The following MAPRE2 variants were observed in gnomAD, a reference collection of about 807,000 sequenced individuals.
The protein encoded by MAPRE2 is microtubule-associated protein RP/EB family member 2.
MAPRE2 carries 13 observed loss-of-function variants against 43.2 expected under a neutral mutation model. The observed-to-expected ratio is 0.30, with a 90% CI of 0.20 to 0.48. The LOEUF is 0.48. Ranked by LOEUF, MAPRE2 falls within the 20% of genes least tolerant of loss-of-function variation. The pLI is 0.99. For synonymous variants in MAPRE2, 135 were observed against 148.8 expected, an observed-to-expected ratio of 0.91 and a Z score of 0.68; for missense variants, 161 against 400.2, an observed-to-expected ratio of 0.40 and a Z score of 5.10.
intron 1 of MAPRE2, among the ~76,000 whole-genome samples, chr18:35,001,360 C>G (rs2097029237): frequency 6.6e-6 from 1 of 151,986 alleles, no homozygotes; most frequent in African/African-American, 2.4e-5. Context: ...TAAAAAAATA[C>G]AAAAATTAGT....
chr18:35,037,037 T>C (rs1198299335), upstream of MAPRE2, among the ~76,000 whole-genome samples: 3 of 152,236 alleles, frequency 2.0e-5, no homozygotes, highest in African/African-American at 7.2e-5. Flanking sequence ...GGTGCTCACC[T>C]TCGATGGTCC....
At chr18:35,108,059 A>T (rs1908992481) in intron 4 of MAPRE2, among the ~76,000 whole-genome samples, 1 of 151,716 alleles carries the variant, frequency 6.6e-6, no homozygotes, top group Non-Finnish European at 1.5e-5. Context: ...TTTGTTACAT[A>T]GGTATATGTG....
chr18:35,075,455 A>G (rs1324368748), intron 2 of MAPRE2, among the ~76,000 whole-genome samples: 1 of 152,122 alleles, frequency 6.6e-6, no homozygotes, highest in Admixed American at 6.5e-5. Context: ...GGCTTCTCTT[A>G]TTGGCTCTCT....
At chr18:35,077,248 CGCACACACACACACACACACACAT>C (rs1262052138) in intron 2 of MAPRE2, among the ~76,000 whole-genome samples, 1 of 86,986 alleles carries the variant, frequency 1.1e-5, no homozygotes, top group Non-Finnish European at 1.9e-5. Context: ...CGTGCGCGCG[CGCACACACACACACACACACACAT>C]ACACACACAC....
At chr18:35,113,140 G>A (rs1044610037) in intron 4 of MAPRE2, among the ~76,000 whole-genome samples, 7 of 152,160 alleles carry the variant, frequency 4.6e-5, no homozygotes, top group African/African-American at 1.7e-4. Flanking sequence ...TCAGACTATA[G>A]CACCTACCTC....
chr18:35,129,480 C>T (rs778450217), intron 5 of MAPRE2, among the ~76,000 whole-genome samples: 1 of 152,174 alleles, frequency 6.6e-6, no homozygotes, highest in Non-Finnish European at 1.5e-5. Flanking sequence ...CAGGCAATTT[C>T]CCATGATGCA....
At chr18:35,077,264 C>T (rs907899783) in intron 2 of MAPRE2, among the ~76,000 whole-genome samples, 36 of 107,560 alleles carry the variant, frequency 3.3e-4, no homozygotes, top group African/African-American at 1.9e-3. Flanking sequence ...CACACACACA[C>T]ACACACATAC....
intron 2 of MAPRE2, among the ~76,000 whole-genome samples, chr18:35,088,497 A>G (rs1907983261): frequency 6.6e-6 from 1 of 152,242 alleles, no homozygotes; most frequent in Admixed American, 6.5e-5. Flanking sequence ...ATAGAAAACC[A>G]CTGTGATATT....
intron 2 of MAPRE2, among the ~76,000 whole-genome samples, chr18:35,085,627 T>C (rs1367032255): frequency 2.6e-5 from 4 of 152,184 alleles, no homozygotes; most frequent in African/African-American, 9.7e-5. Flanking sequence ...CAGTGATGGC[T>C]AGAAGCAAGA....
intron 1 of MAPRE2, among the ~76,000 whole-genome samples, chr18:34,988,148 C>A (rs1186154468): frequency 6.6e-6 from 1 of 152,040 alleles, no homozygotes; most frequent in East Asian, 1.9e-4. Context: ...ATACTTGTAT[C>A]CCCAGATTCC....
In MAPRE2 at chr18:35,070,452, G is replaced by A. The variant is rs959591511; in HGVS notation, c.250+130G>A. 69 of 749,536 alleles carry A rather than the reference G, an allele frequency of 9.2e-5. No homozygotes were observed. The African/African-American group carries it at 1.1e-3, about 12-fold the overall frequency. 46.4% of individuals were successfully genotyped at this position (749,536 alleles called of 1,614,324 possible). ...TATTGCTATTGGCATGTAATTAAAG[G>A]GGGAAAAACTCAGATATAACTAAAG... is the stretch of plus-strand genomic sequence containing the variant. On this transcript the variant is annotated intron_variant, in intron 2 of 6. Transcript: ENST00000300249.
At chr18:35,113,821 G>A (rs1909288121) in intron 4 of MAPRE2, among the ~76,000 whole-genome samples, 1 of 152,102 alleles carries the variant, frequency 6.6e-6, no homozygotes, top group South Asian at 2.1e-4. Context: ...TGAGCCTGGG[G>A]TTCAAGGCTG....
At chr18:35,021,379 A>G (rs1234780969) in intron 2 of MAPRE2, among the ~76,000 whole-genome samples, 1 of 152,216 alleles carries the variant, frequency 6.6e-6, no homozygotes, top group East Asian at 1.9e-4. Context: ...AGAAACATGA[A>G]TGGGGACCAG....
chr18:35,141,458 A>G lies in MAPRE2; in HGVS notation c.*1089A>G, dbSNP rs1477532483. The G allele has an allele frequency of 3.3e-5, 5 of 152,246 alleles. No homozygotes were observed. The highest frequency in any genetic ancestry group is 7.3e-5 in the Non-Finnish European group (5 of 68,044). The allele number at this position is 152,246 out of a possible 1,614,324, so 9.4% of individuals were successfully genotyped here. A position where few individuals can be genotyped will look rare whatever the true frequency, so the allele number is the denominator to read the frequency against. ...AGTCTGGTGTAGACACTGGAATAAC[A>G]GCACAGAAAAATCTATGACTCCCAA... On this transcript the variant is annotated 3_prime_UTR_variant, in exon 7 of 7. Coordinates refer to ENST00000300249, the MANE Select transcript of MAPRE2 (RefSeq NM_014268.4).
chr18:34,984,844 G>A (rs71363482), intron 1 of MAPRE2, among the ~76,000 whole-genome samples: 10,048 of 83,346 alleles, frequency 0.12, 149 homozygotes, highest in East Asian at 0.14. Flanking sequence ...TATTTTATAT[G>A]TTATATAACA....
At chr18:35,007,413 TG>T (rs1162445653) in intron 2 of MAPRE2, among the ~76,000 whole-genome samples, 4 of 152,296 alleles carry the variant, frequency 2.6e-5, no homozygotes, top group Admixed American at 6.5e-5. Flanking sequence ...TCCTTATATA[TG>T]GGGGTATGGG....
At chr18:35,070,147 TTC>T (rs1568991805) in intron 1 of MAPRE2, 46 bp from the exon 2 acceptor site, 1 of 1,539,138 alleles carries the variant, frequency 6.5e-7, no homozygotes, top group Non-Finnish European at 8.8e-7. Context: ...TCTTTTGTGT[TTC>T]TGAGTTAATT....
intron 2 of MAPRE2, among the ~76,000 whole-genome samples, chr18:35,016,318 A>G (rs1401085565): frequency 6.6e-6 from 1 of 151,918 alleles, no homozygotes; most frequent in Non-Finnish European, 1.5e-5. Context: ...ATATATATAT[A>G]TATCTCCAGT....
chr18:35,006,974 C>A (rs973141800), intron 2 of MAPRE2, among the ~76,000 whole-genome samples: 3 of 152,088 alleles, frequency 2.0e-5, no homozygotes, highest in Admixed American at 6.5e-5. Context: ...AACAAGCAAA[C>A]AAAGTGGAGA....
Sources: gnomAD v4.1 joint callset for allele counts (sites outside exome capture counted in the v4.1 genomes callset) on GRCh38, gnomAD v4.1.1 for gene constraint, MANE v1.5 for transcripts, NCBI Gene and HGNC (gene_info 2026-07-23, HGNC 2026-07-21) for gene names.